USP42: variants seen among roughly 807,000 people sequenced by gnomAD.
The protein encoded by USP42 is ubiquitin specific peptidase 42, also known as ubiquitin carboxyl-terminal hydrolase 42.
A neutral mutation model predicts 113.0 loss-of-function variants in USP42; 23 were observed. That is an observed-to-expected ratio of 0.20 (90% CI 0.15 to 0.29). USP42 has a LOEUF of 0.29. USP42 is among the 10% of genes least tolerant of loss of function. The probability of loss-of-function intolerance (pLI) is 1.00; values close to 1 mark genes in which losing one functional copy is unlikely to be tolerated. For synonymous variants in USP42, 933 were observed against 699.0 expected, an observed-to-expected ratio of 1.33 and a Z score of -5.28; for missense variants, 2,174 against 1,779.8, an observed-to-expected ratio of 1.22 and a Z score of -3.99.
At chr7:6,122,126 T>C (rs558497992) in intron 3 of USP42, among the ~76,000 whole-genome samples, 2 of 152,240 alleles carry the variant, frequency 1.3e-5, no homozygotes, top group Non-Finnish European at 2.9e-5. Context: ...TTACTTTGGA[T>C]TTAATGTGCT....
chr7:6,122,591 C>G (rs1352862593), intron 3 of USP42, among the ~76,000 whole-genome samples: 1 of 152,024 alleles, frequency 6.6e-6, no homozygotes, highest in African/African-American at 2.4e-5. Flanking sequence ...CTGCCTCGGC[C>G]TCCTGAGTAG....
At chr7:6,143,122 A>G (rs1211690177) in intron 8 of USP42, 108 bp downstream of exon 8, 1 of 1,089,394 alleles carries the variant, frequency 9.2e-7, no homozygotes, top group African/African-American at 1.6e-5. Context: ...AGTTTCTGAT[A>G]CCCTCTGGGA....
chr7:6,131,678 C>T (rs924646443), intron 3 of USP42, among the ~76,000 whole-genome samples: 1 of 152,102 alleles, frequency 6.6e-6, no homozygotes, highest in African/African-American at 2.4e-5. Context: ...GACTTTAGCT[C>T]TAAGTCTGGA....
At chr7:6,085,800 A>G in the USP42 span, among the ~76,000 whole-genome samples, 1 of 150,242 alleles carries the variant, frequency 6.7e-6, no homozygotes. Context: ...TTTTTAGTAG[A>G]GACGGGATCT....
At chr7:6,146,091 C>CCA in intron 10 of USP42, 57 bp from the exon 11 acceptor site, 4 of 1,254,338 alleles carry the variant, frequency 3.2e-6, no homozygotes, top group Non-Finnish European at 4.5e-6. Flanking sequence ...TTTCTCTTGA[C>CCA]TATGTTCCAT....
At position 6,149,923 on chromosome 7, in the gene USP42, G is replaced by A; in HGVS notation, c.1727G>A (p.Ser576Asn). The stretch of plus-strand genomic sequence containing the variant: ...AACGCATCTACGATGTCAGTTTCTA[G>A]TAAAGTAACAAAACCGATCCCCCGC... Reference protein sequence around the residue: ...TSNASTMSVSSKVTKPIPRSE... With the variant: ...TSNASTMSVSNKVTKPIPRSE... Residue 576 changes from serine (S) to asparagine (N), a missense_variant, in exon 13 of 18, where the codon AGT (serine) becomes AAT (asparagine). Ser to Asn is a conservative substitution (Grantham distance 46). Transcript: ENST00000306177. 1.9e-6 allele frequency: 3 copies of A among 1,614,030 alleles called. No homozygotes were observed. The South Asian group carries it at 3.3e-5, about 18-fold the overall frequency.
intron 15 of USP42, among the ~76,000 whole-genome samples, chr7:6,155,963 C>T (rs891520130): frequency 5.9e-5 from 9 of 152,150 alleles, no homozygotes; most frequent in African/African-American, 1.9e-4. Context: ...CACTATGCCG[C>T]GCACGCTGTT....
rs1241172845 is a variant in USP42, at chr7:6,154,251, G to C, written c.2697G>C (p.Pro899=). 2 of 1,604,110 alleles carry C rather than the reference G, an allele frequency of 1.2e-6. No individual in the cohort carries two copies. The highest frequency in any genetic ancestry group is 8.5e-7 in the Non-Finnish European group (1 of 1,177,016). The change falls in exon 15 of 18, where the codon CCG becomes CCC. Residue 899 remains proline, a synonymous_variant. Transcript: ENST00000306177. The stretch of plus-strand genomic sequence containing the variant: ...GCGCACCCGAGGCCGCAGAGCGGCC[G>C]CCAGCTCCTGTGCTGGACATGGCCC... ...SLGAPEAAER[P]PAPVLDMAPA...
chr7:6,110,770 A>G (rs1430951618), intron 1 of USP42, among the ~76,000 whole-genome samples: 1 of 152,212 alleles, frequency 6.6e-6, no homozygotes, highest in Non-Finnish European at 1.5e-5. Context: ...TAAGCAGTAT[A>G]GAAGGAAAAT....
chr7:6,101,542 C>G (rs1054821377), upstream of USP42, among the ~76,000 whole-genome samples: 1 of 151,270 alleles, frequency 6.6e-6, no homozygotes, highest in Admixed American at 6.6e-5. Context: ...GGTTTTGGGG[C>G]CAGTTTATCA....
Position 6,154,494 on chromosome 7 carries a change from G to C in USP42, c.2940G>C (p.Arg980=). The change falls in exon 15 of 18, where the codon CGG becomes CGC. Residue 980 remains arginine (R), a synonymous_variant. Coordinates refer to ENST00000306177, the MANE Select transcript of USP42 (RefSeq NM_032172.3). The part of the protein sequence containing the change: ...RSKTEGHRHR[R]RRTCPRERDR... The stretch of plus-strand genomic sequence containing the variant: ...AGACTGAGGGCCACCGTCACCGGCG[G>C]CGCCGCACCTGCCCCCGGGAGCGCG... The C allele has an allele frequency of 6.5e-7, 1 of 1,545,456 alleles. No homozygotes were observed. The highest frequency in any genetic ancestry group is 8.7e-7 in the Non-Finnish European group (1 of 1,145,268).
Position 6,120,227 on chromosome 7 carries a change from G to A in USP42, c.442+4704G>A, listed in dbSNP as rs1780142597. On this transcript the variant is annotated intron_variant, in intron 3 of 17. Coordinates refer to ENST00000306177, the MANE Select transcript of USP42 (RefSeq NM_032172.3). ...GATCTGCCTGCCTCGGCCTCTCAGA[G>A]TGTTGGGATTACAGGCGTGAGCCAC... Among the ~76,000 whole-genome samples, 4 of 152,224 alleles carry A rather than the reference G, an allele frequency of 2.6e-5. No homozygotes were observed. The South Asian group carries it at 8.3e-4, about 32-fold the overall frequency.
intron 11 of USP42, among the ~76,000 whole-genome samples, chr7:6,146,518 G>A (rs543319230): frequency 8.5e-5 from 13 of 152,152 alleles, no homozygotes; most frequent in African/African-American, 3.1e-4. Context: ...GAAAAAATTA[G>A]CCAGGTGTGG....
intron 11 of USP42, among the ~76,000 whole-genome samples, chr7:6,146,558 G>A (rs917027118): frequency 2.0e-5 from 3 of 152,022 alleles, no homozygotes; most frequent in Admixed American, 1.3e-4. Context: ...TATCTGCTCC[G>A]AAAGTTGAGG....
Position 6,135,950 on chromosome 7 carries a change from G to A in USP42, c.552G>A (p.Arg184=). ...IKPMFVINEM[R]RIARHFRFGN... The stretch of plus-strand genomic sequence containing the variant: ...CAATGTTTGTCATCAATGAGATGCG[G>A]CGTAAGTATTAACTATTGTAGTTTT... Residue 184 remains arginine, a splice_region_variant and synonymous_variant, in exon 4 of 18, where the codon CGG becomes CGA. Transcript: ENST00000306177. 6.3e-7 allele frequency: 1 copy of A among 1,578,180 alleles called. No homozygotes were observed. Among genetic ancestry groups the A allele is most frequent in the African/African-American group, 1.4e-5 (1 of 73,698 alleles).
At chr7:6,099,923 A>G in the USP42 span, among the ~76,000 whole-genome samples, 4 of 149,892 alleles carry the variant, frequency 2.7e-5, no homozygotes, top group South Asian at 8.3e-4. Context: ...AGATCACACC[A>G]CTGCAGTCCA....
At chr7:6,106,473 G>A (rs185062995) in intron 1 of USP42, among the ~76,000 whole-genome samples, 2 of 152,302 alleles carry the variant, frequency 1.3e-5, no homozygotes, top group East Asian at 3.9e-4. Context: ...ATAAGAGACT[G>A]GGAATTTTAA....
intron 3 of USP42, among the ~76,000 whole-genome samples, chr7:6,122,584 C>G (rs546477022): frequency 6.6e-6 from 1 of 152,236 alleles, no homozygotes; most frequent in African/African-American, 2.4e-5. Flanking sequence ...GATTCTCCTG[C>G]CTCGGCCTCC....
intron 14 of USP42, among the ~76,000 whole-genome samples, chr7:6,153,520 C>A (rs1249025771): frequency 6.6e-6 from 1 of 151,982 alleles, no homozygotes; most frequent in African/African-American, 2.4e-5. Flanking sequence ...TTTAAAGAGA[C>A]GAAATAGCTG....
Sources: allele counts gnomAD v4.1 joint callset (sites outside exome capture counted in the v4.1 genomes callset), GRCh38; gene constraint gnomAD v4.1.1; transcripts MANE v1.5; gene names NCBI Gene and HGNC (gene_info 2026-07-23, HGNC 2026-07-21).